Variants in PDGFC observed in about 807,000 individuals in gnomAD.
PDGFC encodes platelet derived growth factor C, also known as platelet-derived growth factor C.
In PDGFC, 12 loss-of-function variants were observed where a neutral mutation model predicts 35.5. The ratio of observed to expected loss-of-function variants is 0.34; its 90% CI spans 0.22 to 0.55. PDGFC has a LOEUF of 0.55. PDGFC is among the 20% of genes least tolerant of loss of function. The pLI, the probability that PDGFC is intolerant of heterozygous loss-of-function variation, is 0.91. For missense variants in PDGFC, 322 were observed against 412.4 expected, an observed-to-expected ratio of 0.78 and a Z score of 1.90; for synonymous variants, 159 against 148.8, an observed-to-expected ratio of 1.07 and a Z score of -0.50.
chr4:156,769,199 A>G (rs1379847201), intron 4 of PDGFC, among the ~76,000 whole-genome samples: 1 of 151,894 alleles, frequency 6.6e-6, no homozygotes, highest in Non-Finnish European at 1.5e-5. Flanking sequence ...CATGAATGAA[A>G]AAAAAGAAAG....
intron 2 of PDGFC, among the ~76,000 whole-genome samples, chr4:156,828,837 C>T (rs1728856457): frequency 6.6e-6 from 1 of 151,910 alleles, no homozygotes; most frequent in Non-Finnish European, 1.5e-5. Context: ...ATACTGTAAA[C>T]AACATAAAAA....
intron 2 of PDGFC, among the ~76,000 whole-genome samples, chr4:156,821,623 C>T (rs6841805): frequency 0.059 from 9,017 of 152,198 alleles, 882 homozygotes; most frequent in African/African-American, 0.2. Flanking sequence ...TCTTGGCTCA[C>T]TGCAATCTCT....
In PDGFC at chr4:156,824,325, T is replaced by TATATATATATACACATATACAC. The variant is rs1313538089; in HGVS notation, c.315-13309_315-13308insGTGTATATGTGTATATATATAT. Reference sequence around the variant, plus strand: ...ATATATATATATATATATATATATATATACACACACACACACACACACACA... The same window carrying TATATATATATACACATATACAC: ...ATATATATATATATATATATATATATATATATATATACACATATACACATACACACACACACACACACACACA... On this transcript the variant is annotated intron_variant, in intron 2 of 5. Transcript: ENST00000502773. Among the ~76,000 whole-genome samples the TATATATATATACACATATACAC allele has an allele frequency of 4.1e-4, 45 of 109,506 alleles. 1 individual carries two copies. The highest frequency in any genetic ancestry group is 1.9e-3 in the African/African-American group (40 of 20,668). 71.8% of individuals were successfully genotyped at this position (109,506 alleles called of 152,430 possible).
chr4:156,850,179 A>G (rs768044436), intron 2 of PDGFC, 42 bp downstream of exon 2: 3 of 1,025,718 alleles, frequency 2.9e-6, no homozygotes, highest in Non-Finnish European at 4.1e-6. Flanking sequence ...AAAGACTTTT[A>G]ACAGTTGTTA....
At chr4:156,854,719 A>T (rs1729533659) in intron 1 of PDGFC, among the ~76,000 whole-genome samples, 1 of 152,152 alleles carries the variant, frequency 6.6e-6, no homozygotes, top group Admixed American at 6.5e-5. Flanking sequence ...ATATAACTTT[A>T]CTAGTATTTT....
chr4:156,970,459 G>C (rs1464831591), intron 1 of PDGFC, among the ~76,000 whole-genome samples: 1 of 152,066 alleles, frequency 6.6e-6, no homozygotes, highest in African/African-American at 2.4e-5. Flanking sequence ...TTTTGGATTC[G>C]TTTTTAGAGG....
chr4:156,816,811 G>T (rs1486425068), intron 2 of PDGFC, among the ~76,000 whole-genome samples: 1 of 152,256 alleles, frequency 6.6e-6, no homozygotes, highest in South Asian at 2.1e-4. Context: ...GAGAATTTCT[G>T]TATCTCTATT....
At chr4:156,861,524 T>C in intron 1 of PDGFC, 1 of 857,888 alleles carries the variant, frequency 1.2e-6, no homozygotes, top group Non-Finnish European at 1.7e-6. Context: ...ATTGAGTCTT[T>C]TGGTGACCTC....
At chr4:156,964,485 GAT>G (rs565587983) in intron 1 of PDGFC, among the ~76,000 whole-genome samples, 2 of 148,696 alleles carry the variant, frequency 1.3e-5, no homozygotes, top group African/African-American at 2.5e-5. Flanking sequence ...TATATATAGT[GAT>G]ATATATATAC....
intron 1 of PDGFC, among the ~76,000 whole-genome samples, chr4:156,970,290 AC>A (rs1388881800): frequency 2.0e-5 from 3 of 152,190 alleles, no homozygotes; most frequent in Non-Finnish European, 4.4e-5. Context: ...TCTAAAAACG[AC>A]CACACAGCCT....
chr4:156,868,785 C>G (rs183128502), intron 1 of PDGFC, among the ~76,000 whole-genome samples: 5 of 152,222 alleles, frequency 3.3e-5, no homozygotes, highest in Admixed American at 3.3e-4. Flanking sequence ...AGAACTGTAT[C>G]CTTTTATACC....
intron 1 of PDGFC, among the ~76,000 whole-genome samples, chr4:156,863,750 TA>T (rs1560846662): frequency 6.6e-6 from 1 of 152,100 alleles, no homozygotes; most frequent in Admixed American, 6.6e-5. Context: ...TTGATACTCT[TA>T]AAAAGTGGTA....
At chr4:156,937,998 T>C (rs574758779) in intron 1 of PDGFC, among the ~76,000 whole-genome samples, 3 of 152,254 alleles carry the variant, frequency 2.0e-5, no homozygotes, top group African/African-American at 4.8e-5. Context: ...CCTACTAAAT[T>C]AATATATTAA....
rs182948563 is a variant in PDGFC at position 156,875,707 on chromosome 4, C to G, written c.119-25291G>C. Among the ~76,000 whole-genome samples, 519 of 152,224 alleles carry G rather than the reference C, an allele frequency of 3.4e-3. 5 individuals carry two copies. The highest frequency in any genetic ancestry group is 0.012 in the African/African-American group (494 of 41,516). On this transcript the variant is annotated intron_variant, in intron 1 of 5. Coordinates refer to ENST00000502773, the MANE Select transcript of PDGFC (RefSeq NM_016205.3). ...CTGAGGTGGGCAGATCACTTGAGGT[C>G]AGGAGTTTGAGAACAGACTGGCCAA...
At chr4:156,831,037 T>C (rs1728919973) in intron 2 of PDGFC, among the ~76,000 whole-genome samples, 1 of 152,184 alleles carries the variant, frequency 6.6e-6, no homozygotes, top group South Asian at 2.1e-4. Context: ...GCCCATCTAA[T>C]AATCTTTGTA....
intron 1 of PDGFC, among the ~76,000 whole-genome samples, chr4:156,927,525 A>C (rs966940951): frequency 1.3e-5 from 2 of 152,138 alleles, no homozygotes; most frequent in Non-Finnish European, 2.9e-5. Flanking sequence ...GATACCCTGA[A>C]TCATCTCTCT....
chr4:156,858,762 C>T (rs778660952), intron 1 of PDGFC, among the ~76,000 whole-genome samples: 2 of 152,164 alleles, frequency 1.3e-5, no homozygotes, highest in South Asian at 2.1e-4. Context: ...AACTGGCTAA[C>T]GTGGTTAACC....
At chr4:156,849,225 C>T (rs538554568) in intron 2 of PDGFC, among the ~76,000 whole-genome samples, 1 of 152,006 alleles carries the variant, frequency 6.6e-6, no homozygotes, top group East Asian at 1.9e-4. Context: ...AGGGTAGCTT[C>T]TAGTTCTCAA....
At chr4:156,921,082 A>G (rs914030698) in intron 1 of PDGFC, among the ~76,000 whole-genome samples, 3 of 152,150 alleles carry the variant, frequency 2.0e-5, no homozygotes, top group African/African-American at 7.2e-5. Flanking sequence ...TCTATAAAGG[A>G]GCAGTCAAAA....
Sources: allele counts gnomAD v4.1 joint callset (sites outside exome capture counted in the v4.1 genomes callset), GRCh38; gene constraint gnomAD v4.1.1; transcripts MANE v1.5; gene names NCBI Gene and HGNC (gene_info 2026-07-23, HGNC 2026-07-21).